The following TACR1 variants were observed in gnomAD, a reference collection of about 807,000 sequenced individuals.
TACR1 encodes tachykinin receptor 1, also known as substance-P receptor.
A neutral mutation model predicts 35.8 loss-of-function variants in TACR1; 25 were observed. The ratio of observed to expected loss-of-function variants is 0.70; its 90% confidence interval spans 0.51 to 0.98. The LOEUF (loss-of-function observed/expected upper bound fraction) is 0.98, where lower values mean the gene tolerates loss of function less well. Among genes scored for constraint, TACR1 ranks in the 50% least tolerant of loss-of-function variants. The probability of loss-of-function intolerance (pLI) is 0.00; values close to 1 mark genes in which losing one functional copy is unlikely to be tolerated. For synonymous variants in TACR1, 195 were observed against 206.7 expected, an observed-to-expected ratio of 0.94 and a Z score of 0.48; for missense variants, 478 against 522.9, an observed-to-expected ratio of 0.91 and a Z score of 0.84.
intron 1 of TACR1, among the ~76,000 whole-genome samples, chr2:75,152,563 T>C (rs1393798807): frequency 1.3e-5 from 2 of 152,224 alleles, no homozygotes; most frequent in Non-Finnish European, 2.9e-5. Flanking sequence ...GTCTCAGTTA[T>C]GTCTTTATCA....
chr2:75,173,256 C>G (rs977456798), intron 1 of TACR1, among the ~76,000 whole-genome samples: 3 of 152,266 alleles, frequency 2.0e-5, no homozygotes, highest in Admixed American at 2.0e-4. Flanking sequence ...AGCTGTTAAC[C>G]TTAGTACCCA....
chr2:75,054,188 C>T (rs1451233198), intron 2 of TACR1, among the ~76,000 whole-genome samples: 2 of 152,302 alleles, frequency 1.3e-5, no homozygotes, highest in East Asian at 3.9e-4. Flanking sequence ...AATTATACCA[C>T]TCAATTCATA....
At chr2:75,094,779 C>G (rs1006754489) in intron 2 of TACR1, among the ~76,000 whole-genome samples, 1 of 145,332 alleles carries the variant, frequency 6.9e-6, no homozygotes, top group African/African-American at 2.6e-5. Flanking sequence ...CAAGGATGGG[C>G]AAGAATTTCA....
intron 1 of TACR1, among the ~76,000 whole-genome samples, chr2:75,198,004 C>G (rs1028166185): frequency 6.6e-6 from 1 of 152,104 alleles, no homozygotes; most frequent in Non-Finnish European, 1.5e-5. Flanking sequence ...AACCAACGAA[C>G]CAACCAACCA....
intron 2 of TACR1, among the ~76,000 whole-genome samples, chr2:75,057,312 C>A (rs753138379): frequency 6.6e-6 from 1 of 152,168 alleles, no homozygotes; most frequent in Non-Finnish European, 1.5e-5. Context: ...AGGGAACAAC[C>A]CCCTTTGACT....
At chr2:75,170,589 A>G (rs888927851) in intron 1 of TACR1, among the ~76,000 whole-genome samples, 1 of 152,162 alleles carries the variant, frequency 6.6e-6, no homozygotes, top group African/African-American at 2.4e-5. Flanking sequence ...AAGATGTGGG[A>G]AAGTTTGGAA....
At chr2:75,187,499 G>A (rs924599513) in intron 1 of TACR1, 1 of 152,150 alleles carries the variant, frequency 6.6e-6, no homozygotes, top group Non-Finnish European at 1.5e-5. Context: ...GCACAGTTCC[G>A]AGGTCTAAGT....
At chr2:75,069,485 G>A (rs1340963896) in intron 2 of TACR1, among the ~76,000 whole-genome samples, 2 of 152,126 alleles carry the variant, frequency 1.3e-5, no homozygotes, top group Non-Finnish European at 1.5e-5. Context: ...TGTTATTAGT[G>A]TAGTACATTT....
intron 2 of TACR1, among the ~76,000 whole-genome samples, chr2:75,094,838 C>CATATATATATATAT (rs770472061): frequency 3.2e-3 from 386 of 119,766 alleles, no homozygotes; most frequent in South Asian, 6.4e-3. Context: ...GAAGCAGAAA[C>CATATATATATATAT]ATATATATAT....
intron 1 of TACR1, among the ~76,000 whole-genome samples, chr2:75,179,199 C>A (rs1317710150): frequency 6.6e-6 from 1 of 152,202 alleles, no homozygotes; most frequent in Non-Finnish European, 1.5e-5. Flanking sequence ...TGCTCAGCAT[C>A]AAACCTAGCA....
Position 75,182,868 on chromosome 2 carries a change from T to C in TACR1, c.389+15678A>G, listed in dbSNP as rs370790459. 8.5e-5 allele frequency among the ~76,000 whole-genome samples: 13 copies of C among 152,222 alleles called. No individual in the cohort carries two copies. The East Asian group carries it at 1.5e-3, about 18-fold the overall frequency. On this transcript the variant is annotated intron_variant, in intron 1 of 4. Transcript: ENST00000305249. ...AGAATGTATCCCCATTGTTAAGCGA[T>C]GTATTTCTGTACTCTCATAGCATTA...
At chr2:75,191,115 G>T (rs1253699811) in intron 1 of TACR1, among the ~76,000 whole-genome samples, 1 of 152,174 alleles carries the variant, frequency 6.6e-6, no homozygotes, top group Non-Finnish European at 1.5e-5. Flanking sequence ...CTTCCACTGA[G>T]GTGGAATTGA....
At chr2:75,181,338 TA>T (rs1675553825) in intron 1 of TACR1, among the ~76,000 whole-genome samples, 1 of 150,998 alleles carries the variant, frequency 6.6e-6, no homozygotes, top group African/African-American at 2.4e-5. Flanking sequence ...GAAAATAATT[TA>T]AAAAGAAAAA....
chr2:75,068,047 C>T (rs1336161447), intron 2 of TACR1, among the ~76,000 whole-genome samples: 7 of 152,166 alleles, frequency 4.6e-5, no homozygotes, highest in Admixed American at 4.6e-4. Flanking sequence ...AAGGGTGTAT[C>T]AGTCAGGGTT....
chr2:75,130,795 A>T (rs1337095840), intron 1 of TACR1, among the ~76,000 whole-genome samples: 4 of 152,248 alleles, frequency 2.6e-5, no homozygotes, highest in Non-Finnish European at 5.9e-5. Flanking sequence ...AGTTATTTTA[A>T]GACAACCGTG....
intron 1 of TACR1, among the ~76,000 whole-genome samples, chr2:75,143,538 T>C (rs1373473862): frequency 1.3e-5 from 2 of 152,198 alleles, no homozygotes; most frequent in Non-Finnish European, 2.9e-5. Flanking sequence ...TCAGCATCTA[T>C]TAGCTAATTG....
chr2:75,083,470 T>G (rs1291100187), intron 2 of TACR1, among the ~76,000 whole-genome samples: 1 of 152,206 alleles, frequency 6.6e-6, no homozygotes, highest in African/African-American at 2.4e-5. Context: ...AAGAAAGTCA[T>G]TGGTAGCTTG....
At chr2:75,129,776 C>T (rs1674143422) in intron 1 of TACR1, among the ~76,000 whole-genome samples, 1 of 152,220 alleles carries the variant, frequency 6.6e-6, no homozygotes, top group Non-Finnish European at 1.5e-5. Flanking sequence ...ATTCTCTAGC[C>T]TCCTCTTTCC....
intron 2 of TACR1, among the ~76,000 whole-genome samples, chr2:75,086,982 C>T (rs1673201689): frequency 6.6e-6 from 1 of 152,130 alleles, no homozygotes; most frequent in Non-Finnish European, 1.5e-5. Flanking sequence ...ATATGGTAGC[C>T]ACATGTGGCC....
Sources: gnomAD v4.1 joint callset for allele counts (sites outside exome capture counted in the v4.1 genomes callset) on GRCh38, gnomAD v4.1.1 for gene constraint, MANE v1.5 for transcripts, NCBI Gene and HGNC (gene_info 2026-07-23, HGNC 2026-07-21) for gene names.